CLPX: variants seen among roughly 807,000 people sequenced by gnomAD.
The protein encoded by CLPX is caseinolytic mitochondrial matrix peptidase chaperone subunit X.
CLPX carries 34 observed loss-of-function variants against 76.4 expected under a neutral mutation model. That is an observed-to-expected ratio of 0.45 (90% CI 0.34 to 0.59). The LOEUF is 0.59. CLPX is among the 20% of genes least tolerant of loss of function. The pLI is 0.01. For missense variants in CLPX, 613 were observed against 757.0 expected, an observed-to-expected ratio of 0.81 and a Z score of 2.23; for synonymous variants, 248 against 270.9, an observed-to-expected ratio of 0.92 and a Z score of 0.83.
chr15:65,153,083 T>C (rs1304193397), intron 12 of CLPX, among the ~76,000 whole-genome samples: 2 of 151,882 alleles, frequency 1.3e-5, no homozygotes, highest in Non-Finnish European at 2.9e-5. Flanking sequence ...ATTATGTCTA[T>C]GTCCTTTGTT....
At chr15:65,176,335 G>A (rs2088091207) in intron 3 of CLPX, among the ~76,000 whole-genome samples, 1 of 152,150 alleles carries the variant, frequency 6.6e-6, no homozygotes, top group African/African-American at 2.4e-5. Flanking sequence ...AATCCCAAGA[G>A]GAGCTAGTTT....
In CLPX at chr15:65,158,579, C is replaced by A. The variant is rs2087818433; in HGVS notation, c.888G>T (p.Gly296=). Residue 296 remains glycine (G), a synonymous_variant, in exon 7 of 14, where the codon GGG becomes GGT. Transcript: ENST00000300107. ...KSNILLLGPT[G]SGKTLLAQTL... Reference sequence around the variant, plus strand: ...TTTTCTCAGCAAGTTATTTACCTGACCCAGTTGGTCCAAGCAGCAAAATAT... The same window carrying A: ...TTTTCTCAGCAAGTTATTTACCTGAACCAGTTGGTCCAAGCAGCAAAATAT... The A allele has an allele frequency of 1.2e-6, 2 of 1,608,244 alleles. No individual in the cohort carries two copies. The highest frequency in any genetic ancestry group is 1.7e-5 in the Admixed American group (1 of 58,828).
chr15:65,169,051 T>A (rs938169795), intron 3 of CLPX, among the ~76,000 whole-genome samples: 13 of 140,010 alleles, frequency 9.3e-5, no homozygotes, highest in Non-Finnish European at 1.8e-4. Context: ...TGAGATGGAG[T>A]CTTGCTCTGT....
At chr15:65,184,855 C>T (rs935882909) in intron 1 of CLPX, among the ~76,000 whole-genome samples, 2 of 152,370 alleles carry the variant, frequency 1.3e-5, no homozygotes, top group Admixed American at 6.5e-5. Context: ...CAGGCAGGCG[C>T]GTGGGAAGGA....
In CLPX at chr15:65,178,992, T is replaced by C; in HGVS notation, c.300A>G (p.Gly100=). ...KSGSGNSGKG[G]NQLRCPKCGD... Reference sequence around the variant, plus strand: ...CACATTTAGGACAGCGCAGCTGGTTTCCACCTTTCCCAGAATTCCCAGAGC... The same window carrying C: ...CACATTTAGGACAGCGCAGCTGGTTCCCACCTTTCCCAGAATTCCCAGAGC... Residue 100 remains glycine, a synonymous_variant, in exon 3 of 14, where the codon GGA becomes GGG. Coordinates refer to ENST00000300107, the MANE Select transcript of CLPX (RefSeq NM_006660.5). The C allele has an allele frequency of 6.2e-7, 1 of 1,612,390 alleles. No homozygotes were observed. The highest frequency in any genetic ancestry group is 2.2e-5 in the East Asian group (1 of 44,862).
chr15:65,169,665 G>A (rs1015134434), intron 3 of CLPX, among the ~76,000 whole-genome samples: 4 of 151,982 alleles, frequency 2.6e-5, no homozygotes, highest in African/African-American at 7.3e-5. Flanking sequence ...GCAGTGAGCC[G>A]AGATGGTGCC....
intron 9 of CLPX, 171 bp downstream of exon 9, chr15:65,156,673 T>C (rs954228610): frequency 2.4e-6 from 1 of 425,170 alleles, no homozygotes; most frequent in African/African-American, 2.0e-5. Context: ...TATTTCAAAT[T>C]GTCAACAACT....
intron 4 of CLPX, among the ~76,000 whole-genome samples, chr15:65,166,188 A>G (rs772749737): frequency 1.3e-5 from 2 of 152,130 alleles, no homozygotes; most frequent in Admixed American, 6.6e-5. Flanking sequence ...ACTTACTTAC[A>G]TTATTAGACT....
intron 11 of CLPX, 56 bp downstream of exon 11, chr15:65,154,726 G>C (rs2087765052): frequency 7.3e-7 from 1 of 1,378,610 alleles, no homozygotes; most frequent in African/African-American, 1.5e-5. Flanking sequence ...AATTTATGTA[G>C]AATTTCAATA....
At chr15:65,152,371 T>A in intron 13 of CLPX, 59 bp downstream of exon 13, 1 of 660,782 alleles carries the variant, frequency 1.5e-6, no homozygotes, top group Non-Finnish European at 2.5e-6. Flanking sequence ...CCAATAAACA[T>A]AGCAATGAGG....
chr15:65,161,646 A>C (rs1380767395), intron 6 of CLPX, among the ~76,000 whole-genome samples: 1 of 152,242 alleles, frequency 6.6e-6, no homozygotes, highest in East Asian at 1.9e-4. Flanking sequence ...ACTAGCTGTC[A>C]ACACAATTTA....
chr15:65,185,198 G>C lies in CLPX; in HGVS notation c.-45C>G. On this transcript the variant is annotated 5_prime_UTR_variant, in exon 1 of 14. Coordinates refer to ENST00000300107, the MANE Select transcript of CLPX (RefSeq NM_006660.5). ...GGGCTTCGCCCCCTGAGGACCTCCG[G>C]GTCACAGCGGCGTGAATCCTGCCCG... The C allele has an allele frequency of 6.7e-7, 1 of 1,489,034 alleles. No individual in the cohort carries two copies. Among genetic ancestry groups the C allele is most frequent in the Non-Finnish European group, 9.1e-7 (1 of 1,093,304 alleles). The allele number at this position is 1,489,034 out of a possible 1,614,324, so 92.2% of individuals were successfully genotyped here.
At chr15:65,155,893 T>G in intron 9 of CLPX, 37 bp from the exon 10 acceptor site, 5 of 1,524,548 alleles carry the variant, frequency 3.3e-6, no homozygotes, top group Non-Finnish European at 4.5e-6. Flanking sequence ...CATCACCATA[T>G]AAGCACATTA....
At chr15:65,167,607 G>C (rs2087933627) in intron 3 of CLPX, among the ~76,000 whole-genome samples, 1 of 151,760 alleles carries the variant, frequency 6.6e-6, no homozygotes, top group South Asian at 2.1e-4. Context: ...CGGGCGTGTT[G>C]GCTCATGCCT....
At chr15:65,152,954 C>T (rs1019222510) in intron 12 of CLPX, among the ~76,000 whole-genome samples, 15 of 150,872 alleles carry the variant, frequency 9.9e-5, no homozygotes, top group Non-Finnish European at 2.2e-4. Flanking sequence ...GTGTATGTTG[C>T]CCAGGCTGGT....
Position 65,181,619 on chromosome 15 carries a change from G to T in CLPX, c.80-1415C>A, listed in dbSNP as rs534509120. Among the ~76,000 whole-genome samples the T allele has an allele frequency of 2.4e-3, 358 of 152,052 alleles. 3 individuals are homozygous for T. Among genetic ancestry groups the T allele is most frequent in the African/African-American group, 8.4e-3 (348 of 41,478 alleles). On this transcript the variant is annotated intron_variant, in intron 1 of 13. Transcript: ENST00000300107. Reference sequence around the variant, plus strand: ...GATACAAAAAGTAGCCAGGCGTGGTGACAGGTGCCTGTAATCCCAGCTACT... The same window carrying T: ...GATACAAAAAGTAGCCAGGCGTGGTTACAGGTGCCTGTAATCCCAGCTACT...
chr15:65,156,857 T>C lies in CLPX; in HGVS notation c.1133A>G (p.Glu378Gly). 1 of 1,612,604 alleles carries C rather than the reference T, an allele frequency of 6.2e-7. No homozygotes were observed. Among genetic ancestry groups the C allele is most frequent in the Non-Finnish European group, 8.5e-7 (1 of 1,178,848 alleles). Reference sequence around the variant, plus strand: ...TCAACTGCTTACTTGCTGAACGCCTTCTCCACCTACATCCCGTAATTGATG... The same window carrying C: ...TCAACTGCTTACTTGCTGAACGCCTCCTCCACCTACATCCCGTAATTGATG... ...GIHQLRDVGG[E>G]GVQQGLLKLL... Residue 378 changes from glutamate (E) to glycine (G), a missense_variant, in exon 9 of 14, where the codon GAA becomes GGA. By Grantham distance (98) the Glu-to-Gly change is moderately conservative (BLOSUM62 -2). Around this residue, in one of 2 missense-constraint regions of CLPX, gnomAD observed 450 missense variants for 638.6 expected, o/e 0.70. Transcript: ENST00000300107.
intron 1 of CLPX, 65 bp downstream of exon 1, chr15:65,185,010 A>T: frequency 7.5e-7 from 1 of 1,327,892 alleles, no homozygotes; most frequent in Admixed American, 2.0e-5. Context: ...CGGGGCCCCC[A>T]ACCATTGGCC....
At chr15:65,175,516 AAAAC>A (rs547307528) in intron 3 of CLPX, among the ~76,000 whole-genome samples, 9 of 152,250 alleles carry the variant, frequency 5.9e-5, no homozygotes, top group African/African-American at 1.9e-4. Context: ...ATAGAAACAA[AAAAC>A]AAACAAAAAA....
Sources: allele counts gnomAD v4.1 joint callset (sites outside exome capture counted in the v4.1 genomes callset), GRCh38; gene constraint gnomAD v4.1.1; regional missense constraint gnomAD v4.1.1; transcripts MANE v1.5; gene names NCBI Gene and HGNC (gene_info 2026-07-23, HGNC 2026-07-21).